Variants in LYPD6B observed in about 807,000 individuals in gnomAD.
LYPD6B encodes the protein LY6/PLAUR domain containing 6B, also known as ly6/PLAUR domain-containing protein 6B.
LYPD6B carries 17 observed loss-of-function variants against 22.8 expected under a neutral mutation model. The ratio of observed to expected loss-of-function variants is 0.75; its 90% CI spans 0.51 to 1.12. LYPD6B has a LOEUF of 1.12. Ranked by LOEUF, LYPD6B falls within the 50% of genes most tolerant of loss-of-function variation. LYPD6B has a pLI of 0.00. For missense variants in LYPD6B, 221 were observed against 258.3 expected, an observed-to-expected ratio of 0.86 and a Z score of 0.99; for synonymous variants, 106 against 91.6, an observed-to-expected ratio of 1.16 and a Z score of -0.90.
At chr2:149,144,779 C>A (rs1243563669) in intron 2 of LYPD6B, among the ~76,000 whole-genome samples, 1 of 152,138 alleles carries the variant, frequency 6.6e-6, no homozygotes, top group Non-Finnish European at 1.5e-5. Flanking sequence ...AGAGAAGTCA[C>A]CCCCAGAAGA....
chr2:149,126,080 C>T (rs562307855), intron 1 of LYPD6B, among the ~76,000 whole-genome samples: 4 of 152,300 alleles, frequency 2.6e-5, no homozygotes, highest in South Asian at 2.1e-4. Flanking sequence ...CATAATTAAA[C>T]AAATGCAAGT....
At chr2:149,212,835 C>G (rs543081430) in intron 5 of LYPD6B, among the ~76,000 whole-genome samples, 157 bp from the exon 6 acceptor site, 1 of 152,294 alleles carries the variant, frequency 6.6e-6, no homozygotes, top group South Asian at 2.1e-4. Flanking sequence ...CACCTAGAAA[C>G]TTCAGAGTTC....
chr2:149,200,986 T>C (rs780990058), intron 3 of LYPD6B, among the ~76,000 whole-genome samples: 18 of 152,180 alleles, frequency 1.2e-4, no homozygotes, highest in Non-Finnish European at 2.2e-4. Context: ...GTAGGAAAGA[T>C]GGATGAAGGT....
chr2:149,115,017 G>T (rs1686933426), intron 1 of LYPD6B, among the ~76,000 whole-genome samples: 1 of 152,136 alleles, frequency 6.6e-6, no homozygotes, highest in African/African-American at 2.4e-5. Flanking sequence ...TCGGCTCACT[G>T]CAGCCTCTGC....
At chr2:149,099,761 G>T (rs1358844890) in intron 1 of LYPD6B, among the ~76,000 whole-genome samples, 2 of 152,152 alleles carry the variant, frequency 1.3e-5, no homozygotes, top group African/African-American at 2.4e-5. Context: ...TTAAAACCCT[G>T]TTTGTCCCAG....
intron 1 of LYPD6B, among the ~76,000 whole-genome samples, chr2:149,082,314 G>A (rs143833548): frequency 8.9e-4 from 136 of 152,308 alleles, no homozygotes; most frequent in African/African-American, 3.2e-3. Flanking sequence ...TTAGGTCATA[G>A]ATCTTCACCT....
rs149853912 is a variant in LYPD6B at position 149,162,855 on chromosome 2, T to C, written c.77+2020T>C. 6.8e-3 allele frequency among the ~76,000 whole-genome samples: 1,035 copies of C among 152,262 alleles called. 8 individuals are homozygous for C. The highest frequency in any genetic ancestry group is 0.024 in the African/African-American group (994 of 41,564). ...TGGCTGCTGAGTACTCTATTAAATG[T>C]GTATGGTTAGAGAGCCTTAAGTCTA... On this transcript the variant is annotated intron_variant, in intron 3 of 6. Coordinates refer to ENST00000409642, the MANE Select transcript of LYPD6B (RefSeq NM_177964.5).
rs1408362299 is a variant in LYPD6B at position 149,130,875 on chromosome 2, T to A, written c.-66-8T>A. Reference sequence around the variant, plus strand: ...CATAATGATACCTTTTCATGTTCATTTGTTTAGATATGCCACACTTCTGCC... The same window carrying A: ...CATAATGATACCTTTTCATGTTCATATGTTTAGATATGCCACACTTCTGCC... On this transcript the variant is annotated splice_polypyrimidine_tract_variant and splice_region_variant and intron_variant, in intron 1 of 6. Coordinates refer to ENST00000409642, the MANE Select transcript of LYPD6B (RefSeq NM_177964.5). 1 of 1,108,102 alleles carries A rather than the reference T, an allele frequency of 9.0e-7. No homozygotes were observed. Among genetic ancestry groups the A allele is most frequent in the Non-Finnish European group, 1.4e-6 (1 of 725,314 alleles). The allele number at this position is 1,108,102 out of a possible 1,614,324, so 68.6% of individuals were successfully genotyped here. A position where few individuals can be genotyped will look rare whatever the true frequency, so the allele number is the denominator to read the frequency against.
intron 1 of LYPD6B, among the ~76,000 whole-genome samples, chr2:149,045,830 A>C (rs1036279174): frequency 1.3e-5 from 2 of 152,052 alleles, no homozygotes; most frequent in Admixed American, 1.3e-4. Flanking sequence ...ATCTTGGTGA[A>C]TTTCAATGCA....
At position 149,038,802 on chromosome 2, in the gene LYPD6B, G is replaced by A. The variant is rs1682918884; in HGVS notation, c.-67+1G>A. 1 of 150,752 alleles carries A rather than the reference G, an allele frequency of 6.6e-6. No homozygotes were observed. The highest frequency in any genetic ancestry group is 1.5e-5 in the Non-Finnish European group (1 of 67,638). 9.3% of individuals were successfully genotyped at this position (150,752 alleles called of 1,614,324 possible). On this transcript the variant is annotated splice_donor_variant, in intron 1 of 6. Transcript: ENST00000409642. LOFTEE classifies it low-confidence loss of function (5UTR_SPLICE). ...AGGCTCGGTGGGCGCGGGCGGCGAG[G>A]TGAGCTGGGCCAGCGCAGCAGGCGG...
chr2:149,073,607 GC>G (rs1684746109), intron 1 of LYPD6B, among the ~76,000 whole-genome samples: 1 of 151,974 alleles, frequency 6.6e-6, no homozygotes. Context: ...TGCTGCTGAG[GC>G]CCCCTTTTCT....
chr2:149,189,877 T>A (rs1264635488), intron 3 of LYPD6B, among the ~76,000 whole-genome samples: 2 of 152,208 alleles, frequency 1.3e-5, no homozygotes, highest in Non-Finnish European at 2.9e-5. Context: ...AAATGCTATT[T>A]TGTACCATCT....
At chr2:149,068,788 C>G (rs878899724) in intron 1 of LYPD6B, 24 of 480,638 alleles carry the variant, frequency 5.0e-5, no homozygotes, top group African/African-American at 2.0e-5. Flanking sequence ...GGGAATGAAA[C>G]AAAGGCTCGA....
chr2:149,192,948 A>G (rs1692588217), intron 3 of LYPD6B, among the ~76,000 whole-genome samples: 1 of 152,068 alleles, frequency 6.6e-6, no homozygotes, highest in African/African-American at 2.4e-5. Flanking sequence ...TGGGGGAGTG[A>G]TGAGCCCTGA....
chr2:149,131,809 T>A (rs1055375969), intron 2 of LYPD6B, among the ~76,000 whole-genome samples: 7 of 152,058 alleles, frequency 4.6e-5, no homozygotes, highest in Non-Finnish European at 8.8e-5. Context: ...GCAAAGGACA[T>A]CTGACCAGCA....
At chr2:149,040,326 A>G (rs948774164) in intron 1 of LYPD6B, among the ~76,000 whole-genome samples, 1 of 151,704 alleles carries the variant, frequency 6.6e-6, no homozygotes, top group African/African-American at 2.4e-5. Flanking sequence ...CCCAGGTCCA[A>G]GCGATTATCC....
At chr2:149,174,669 A>G (rs1032031887) in intron 3 of LYPD6B, among the ~76,000 whole-genome samples, 1 of 152,050 alleles carries the variant, frequency 6.6e-6, no homozygotes, top group Non-Finnish European at 1.5e-5. Flanking sequence ...AGTTCTGTTT[A>G]TATGATGAAT....
chr2:149,122,974 A>G (rs1687469767), intron 1 of LYPD6B, among the ~76,000 whole-genome samples: 1 of 152,176 alleles, frequency 6.6e-6, no homozygotes, highest in South Asian at 2.1e-4. Context: ...ACCACTTTCA[A>G]TGTGGAGTGT....
At chr2:149,167,686 A>T (rs531813193) in intron 3 of LYPD6B, among the ~76,000 whole-genome samples, 1 of 152,200 alleles carries the variant, frequency 6.6e-6, no homozygotes, top group South Asian at 2.1e-4. Context: ...ACCATAGAGG[A>T]TGTTTCAGAT....
Sources: gnomAD v4.1 joint callset for allele counts (sites outside exome capture counted in the v4.1 genomes callset) on GRCh38, gnomAD v4.1.1 for gene constraint, MANE v1.5 for transcripts, NCBI Gene and HGNC (gene_info 2026-07-23, HGNC 2026-07-21) for gene names.